CNTN6: variants seen among roughly 807,000 people sequenced by gnomAD.
CNTN6 encodes contactin 6, also known as contactin-6.
A neutral mutation model predicts 122.8 loss-of-function variants in CNTN6; 137 were observed. The ratio of observed to expected loss-of-function variants is 1.12; its 90% CI spans 0.97 to 1.29. CNTN6 has a LOEUF of 1.29. Among genes scored for constraint, CNTN6 ranks in the 50% most tolerant of loss-of-function variants. The probability of loss-of-function intolerance (pLI) is 0.00; values close to 1 mark genes in which losing one functional copy is unlikely to be tolerated. For synonymous variants in CNTN6, 570 were observed against 426.0 expected (o/e 1.34, Z -4.16); for missense variants, 1,634 against 1,223.4 (o/e 1.34, Z -5.01).
chr3:1,286,202 C>T (rs979598743), intron 5 of CNTN6, among the ~76,000 whole-genome samples: 2 of 152,034 alleles, frequency 1.3e-5, no homozygotes, highest in South Asian at 2.1e-4. Flanking sequence ...CTTTTTTTCT[C>T]TTTTTATTAT....
chr3:1,103,030 C>T lies in CNTN6; in HGVS notation c.-83+9910C>T, dbSNP rs541474434. Among the ~76,000 whole-genome samples the T allele has an allele frequency of 6.6e-5, 10 of 151,484 alleles. 1 individual carries two copies. The highest frequency in any genetic ancestry group is 2.2e-4 in the African/African-American group (9 of 41,302). ...CTGAGGCAGGAGAATGGCGGGAACC[C>T]GGGAGGCGGAGCTTGCAGTGAGCCA... On this transcript the variant is annotated intron_variant, in intron 1 of 22. Transcript: ENST00000446702.
At chr3:1,319,970 A>T (rs2125964877) in intron 7 of CNTN6, among the ~76,000 whole-genome samples, 1 of 151,854 alleles carries the variant, frequency 6.6e-6, no homozygotes. Flanking sequence ...CATATCCTAT[A>T]AAATTCACTA....
intron 4 of CNTN6, among the ~76,000 whole-genome samples, chr3:1,273,654 C>T (rs1013028952): frequency 1.3e-5 from 2 of 152,088 alleles, no homozygotes; most frequent in South Asian, 2.1e-4. Context: ...AGTTTTAAAA[C>T]GTGAATTATT....
At chr3:1,219,602 A>G (rs576542177) in intron 2 of CNTN6, among the ~76,000 whole-genome samples, 5 of 152,332 alleles carry the variant, frequency 3.3e-5, no homozygotes, top group African/African-American at 9.6e-5. Context: ...CTGACTATTC[A>G]GACAAGCCCA....
chr3:1,104,869 T>C (rs2091143071), intron 1 of CNTN6, among the ~76,000 whole-genome samples: 1 of 152,178 alleles, frequency 6.6e-6, no homozygotes, highest in African/African-American at 2.4e-5. Context: ...TTAAATATTC[T>C]CCTAATGCTG....
intron 1 of CNTN6, among the ~76,000 whole-genome samples, chr3:1,098,913 A>T (rs2090701982): frequency 6.7e-6 from 1 of 149,838 alleles, no homozygotes; most frequent in Non-Finnish European, 1.5e-5. Context: ...TTGGAGATTT[A>T]ACATCTTCAG....
chr3:1,387,788 A>C (rs962620594), intron 20 of CNTN6, among the ~76,000 whole-genome samples: 1 of 152,116 alleles, frequency 6.6e-6, no homozygotes, highest in Admixed American at 6.5e-5. Context: ...TCCAAGTCAA[A>C]GAAAGGGGTG....
At chr3:1,300,847 C>T (rs1400486530) in intron 7 of CNTN6, among the ~76,000 whole-genome samples, 1 of 151,660 alleles carries the variant, frequency 6.6e-6, no homozygotes, top group African/African-American at 2.4e-5. Context: ...ATATATTTAA[C>T]CAGATACATG....
intron 1 of CNTN6, chr3:1,128,196 T>G (rs1010659666): frequency 6.6e-6 from 1 of 151,974 alleles, no homozygotes; most frequent in Non-Finnish European, 1.5e-5. Context: ...CATCTCCAAA[T>G]ATAATTTTGC....
chr3:1,193,461 C>T (rs1388845774), intron 2 of CNTN6, among the ~76,000 whole-genome samples: 5 of 152,096 alleles, frequency 3.3e-5, no homozygotes, highest in Admixed American at 3.3e-4. Context: ...AATAGTAGTG[C>T]CTTCTTCATA....
At chr3:1,232,171 A>G (rs149092968) in intron 4 of CNTN6, among the ~76,000 whole-genome samples, 1,693 of 152,352 alleles carry the variant, frequency 0.011, 11 homozygotes, top group Middle Eastern at 0.027. Context: ...AAAGATAAAC[A>G]TTTATGATAA....
intron 1 of CNTN6, among the ~76,000 whole-genome samples, chr3:1,103,689 A>T (rs1486434487): frequency 6.6e-6 from 1 of 152,190 alleles, no homozygotes; most frequent in Non-Finnish European, 1.5e-5. Flanking sequence ...TTACACACAC[A>T]AGACACAATG....
chr3:1,129,580 A>T (rs2092279180), intron 1 of CNTN6, among the ~76,000 whole-genome samples: 1 of 152,036 alleles, frequency 6.6e-6, no homozygotes, highest in Non-Finnish European at 1.5e-5. Flanking sequence ...CCTTTCTCAC[A>T]CTTATTTTGG....
At chr3:1,384,621 T>C (rs866934224) in intron 19 of CNTN6, among the ~76,000 whole-genome samples, 2 of 150,878 alleles carry the variant, frequency 1.3e-5, no homozygotes, top group African/African-American at 4.9e-5. Context: ...TTATTTAACT[T>C]TGGATTTAGA....
At chr3:1,286,715 A>G (rs559672833) in intron 5 of CNTN6, among the ~76,000 whole-genome samples, 3 of 152,282 alleles carry the variant, frequency 2.0e-5, no homozygotes, top group East Asian at 1.9e-4. Context: ...AAATGTCCCA[A>G]TTAAAAGACA....
intron 2 of CNTN6, among the ~76,000 whole-genome samples, chr3:1,190,833 T>C (rs2093691466): frequency 6.6e-6 from 1 of 152,166 alleles, no homozygotes; most frequent in African/African-American, 2.4e-5. Flanking sequence ...TGGCAGCCTC[T>C]GAGATTAGTT....
At chr3:1,285,198 T>C (rs1422997626) in intron 5 of CNTN6, among the ~76,000 whole-genome samples, 2 of 152,202 alleles carry the variant, frequency 1.3e-5, no homozygotes, top group Admixed American at 1.3e-4. Context: ...TATGTATTTA[T>C]AAGGTATAAG....
At chr3:1,191,696 T>C (rs76922001) in intron 2 of CNTN6, among the ~76,000 whole-genome samples, 1 of 152,316 alleles carries the variant, frequency 6.6e-6, no homozygotes, top group East Asian at 1.9e-4. Context: ...GGGTACCCAA[T>C]ACTTGCAACT....
chr3:1,321,636 G>A lies in CNTN6; in HGVS notation c.762-14G>A, dbSNP rs1229704356. ...TTAAACCGTCTTCTATTCTAATGAG[G>A]TGTAACTGTTTAGTCCAGTCCCCGA... On this transcript the variant is annotated splice_polypyrimidine_tract_variant and intron_variant, in intron 7 of 22. Transcript: ENST00000446702. 2.5e-6 allele frequency: 4 copies of A among 1,604,282 alleles called. No homozygotes were observed. Among genetic ancestry groups the A allele is most frequent in the Non-Finnish European group, 3.4e-6 (4 of 1,175,310 alleles).
Sources: allele counts gnomAD v4.1 joint callset (sites outside exome capture counted in the v4.1 genomes callset), GRCh38; gene constraint gnomAD v4.1.1; transcripts MANE v1.5; gene names NCBI Gene and HGNC (gene_info 2026-07-23, HGNC 2026-07-21).